The following ABCB4 variants were observed in gnomAD, a reference collection of about 807,000 sequenced individuals.
The protein encoded by ABCB4 is ATP binding cassette subfamily B member 4.
In ABCB4, 76 loss-of-function variants were observed where a neutral mutation model predicts 145.7. That is an observed-to-expected ratio of 0.52 (90% CI 0.43 to 0.63). The LOEUF (loss-of-function observed/expected upper bound fraction) is 0.63. Ranked by LOEUF, ABCB4 falls within the 30% of genes least tolerant of loss-of-function variation. The pLI, the probability that ABCB4 is intolerant of heterozygous loss-of-function variation, is 0.00. For synonymous variants in ABCB4, 517 were observed against 566.8 expected (o/e 0.91, Z 1.25); for missense variants, 1,234 against 1,553.1 (o/e 0.79, Z 3.45).
chr7:87,457,611 T>C (rs563223677), intron 4 of ABCB4, among the ~76,000 whole-genome samples: 1 of 152,284 alleles, frequency 6.6e-6, no homozygotes, highest in South Asian at 2.1e-4. Context: ...TTATAGCTAG[T>C]TTGTCCCAAT....
chr7:87,450,160 C>T (rs1811617702), intron 7 of ABCB4, 68 bp from the exon 8 acceptor site: 3 of 1,593,370 alleles, frequency 1.9e-6, no homozygotes, highest in Middle Eastern at 1.7e-4. Context: ...CTGGTCAACC[C>T]TTTAACCTAC....
At chr7:87,456,073 G>C (rs951512099) in intron 4 of ABCB4, among the ~76,000 whole-genome samples, 2 of 152,106 alleles carry the variant, frequency 1.3e-5, no homozygotes, top group African/African-American at 4.8e-5. Context: ...CTTTCTGTGT[G>C]TTCATTTCCA....
downstream of ABCB4, chr7:87,398,560 C>T (rs144430034): frequency 4.3e-6 from 7 of 1,613,588 alleles, no homozygotes; most frequent in African/African-American, 2.7e-5. Context: ...AATCCTGTCC[C>T]GAGACTGATG....
chr7:87,393,520 A>G, the ABCB4 span, among the ~76,000 whole-genome samples: 2 of 152,204 alleles, frequency 1.3e-5, no homozygotes, highest in Non-Finnish European at 1.5e-5. Context: ...GGCTGTGTGG[A>G]GTTTGACTTA....
chr7:87,439,393 C>T (rs1810821536), intron 14 of ABCB4, among the ~76,000 whole-genome samples: 2 of 152,120 alleles, frequency 1.3e-5, no homozygotes, highest in Admixed American at 6.5e-5. Context: ...CAAAAGTAGT[C>T]TTGCAATAGC....
intron 14 of ABCB4, among the ~76,000 whole-genome samples, chr7:87,438,919 T>C (rs1209075018): frequency 6.6e-6 from 1 of 152,204 alleles, no homozygotes; most frequent in East Asian, 1.9e-4. Context: ...GTGGTTCAGA[T>C]AGAATTCCTT....
At chr7:87,440,687 T>C (rs751322963) in intron 12 of ABCB4, among the ~76,000 whole-genome samples, 9 of 152,230 alleles carry the variant, frequency 5.9e-5, no homozygotes, top group Non-Finnish European at 1.2e-4. Flanking sequence ...ATATTAAATT[T>C]AAATAAAAAT....
chr7:87,439,175 C>A (rs949646489), intron 14 of ABCB4, among the ~76,000 whole-genome samples: 37 of 152,042 alleles, frequency 2.4e-4, no homozygotes, highest in African/African-American at 8.7e-4. Flanking sequence ...AACTCAGCAC[C>A]CTTAAAATGA....
chr7:87,424,907 A>G (rs955100609), intron 16 of ABCB4, among the ~76,000 whole-genome samples: 1 of 152,212 alleles, frequency 6.6e-6, no homozygotes, highest in African/African-American at 2.4e-5. Context: ...AACTTGAGAC[A>G]GAGGTGACTA....
intron 4 of ABCB4, among the ~76,000 whole-genome samples, chr7:87,462,012 C>A (rs1434264769): frequency 6.6e-6 from 1 of 152,152 alleles, no homozygotes; most frequent in Non-Finnish European, 1.5e-5. Context: ...CAGCCCAGTG[C>A]CCACAAGGTC....
chr7:87,373,220 G>A, the ABCB4 span, among the ~76,000 whole-genome samples: 1,926 of 152,160 alleles, frequency 0.013, 39 homozygotes, highest in African/African-American at 0.043. Context: ...ATGCATTTTG[G>A]CCATTTGTAT....
At chr7:87,403,496 A>C (rs1807954566) in intron 26 of ABCB4, 1 of 561,298 alleles carries the variant, frequency 1.8e-6, no homozygotes, top group African/African-American at 1.9e-5. Context: ...CTTTCTTTAA[A>C]ATAGGAGGAG....
chr7:87,377,539 T>C, the ABCB4 span: 11 of 735,494 alleles, frequency 1.5e-5, no homozygotes, highest in Admixed American at 2.5e-4. Context: ...GGGAACAGTG[T>C]AAGTGAATAG....
At chr7:87,454,857 C>T (rs1475752260) in intron 4 of ABCB4, among the ~76,000 whole-genome samples, 3 of 152,142 alleles carry the variant, frequency 2.0e-5, no homozygotes, top group Non-Finnish European at 4.4e-5. Flanking sequence ...CCCATCCTGG[C>T]GGTCTCAGCC....
rs774347020 is a variant in ABCB4, at chr7:87,451,634, C to T, written c.697G>A (p.Val233Ile). The stretch of plus-strand genomic sequence containing the variant: ...CAGCTTTCACATACCTTTGCCCAAA[C>T]GGCTGCAGAGAGTCCTAGAATAGGG... Reference protein sequence around the residue: ...ISPILGLSAAVWAKILSAFSD... With the variant: ...ISPILGLSAAIWAKILSAFSD... The change falls in exon 7 of 28, where the codon GTT (valine) becomes ATT (isoleucine). Residue 233 changes from valine (V) to isoleucine (I), a missense_variant. Around this residue, in one of 7 missense-constraint regions of ABCB4, gnomAD observed 467 missense variants for 632.8 expected, o/e 0.74. Transcript: ENST00000649586. 51 of 1,614,010 alleles carry T rather than the reference C, an allele frequency of 3.2e-5. No homozygotes were observed. Among genetic ancestry groups the T allele is most frequent in the Admixed American group, 1.5e-4 (9 of 59,990 alleles).
Position 87,432,804 on chromosome 7 carries a change from C to T in ABCB4, c.1732-1239G>A, listed in dbSNP as rs549088048. ...TCGATAGCAGTGATGGTTGTACAAC[C>T]TTGTGAATATTCTAAAAACCCCGGA... is the stretch of plus-strand genomic sequence containing the variant. On this transcript the variant is annotated intron_variant, in intron 14 of 27. Transcript: ENST00000649586. Among the ~76,000 whole-genome samples the T allele has an allele frequency of 3.2e-4, 49 of 152,054 alleles. No individual in the cohort carries two copies. The South Asian group carries it at 5.8e-3, about 18-fold the overall frequency.
At chr7:87,404,859 T>C (rs1808064484) in intron 26 of ABCB4, among the ~76,000 whole-genome samples, 1 of 152,162 alleles carries the variant, frequency 6.6e-6, no homozygotes, top group Non-Finnish European at 1.5e-5. Context: ...TAAAAACTAA[T>C]GACAACAGTA....
chr7:87,437,140 T>C (rs1012277907), intron 14 of ABCB4, among the ~76,000 whole-genome samples: 6 of 152,212 alleles, frequency 3.9e-5, no homozygotes, highest in Admixed American at 3.9e-4. Context: ...GCACAGTCTG[T>C]TATCTCCTCA....
Position 87,443,788 on chromosome 7 carries a change from A to C in ABCB4, c.1120-15T>G. The C allele has an allele frequency of 1.3e-6, 2 of 1,575,326 alleles. No homozygotes were observed. Among genetic ancestry groups the C allele is most frequent in the Non-Finnish European group, 1.7e-6 (2 of 1,144,900 alleles). On this transcript the variant is annotated splice_polypyrimidine_tract_variant and intron_variant, in intron 10 of 27. Coordinates refer to ENST00000649586, the MANE Select transcript of ABCB4 (RefSeq NM_000443.4). ...ATTTTAGGATTCTAAATAAAACAAA[A>C]TGTAATGACTATTCCATCATAGCAC... is the stretch of plus-strand genomic sequence containing the variant.
Sources: allele counts gnomAD v4.1 joint callset (sites outside exome capture counted in the v4.1 genomes callset), GRCh38; gene constraint gnomAD v4.1.1; regional missense constraint gnomAD v4.1.1; transcripts MANE v1.5; gene names NCBI Gene and HGNC (gene_info 2026-07-23, HGNC 2026-07-21).